The following TNFSF4 variants were observed in gnomAD, a reference collection of about 807,000 sequenced individuals.
TNFSF4 encodes the protein tumor necrosis factor ligand superfamily member 4.
In TNFSF4, 4 loss-of-function variants were observed where a neutral mutation model predicts 7.3. That is an observed-to-expected ratio of 0.55 (90% CI 0.27 to 1.25). The LOEUF (loss-of-function observed/expected upper bound fraction) is 1.25. Among genes scored for constraint, TNFSF4 ranks in the 50% most tolerant of loss-of-function variants. The probability of loss-of-function intolerance (pLI) is 0.12; values close to 1 mark genes in which losing one functional copy is unlikely to be tolerated. For missense variants in TNFSF4, 181 were observed against 208.8 expected (o/e 0.87, Z 0.82); for synonymous variants, 76 against 83.7 (o/e 0.91, Z 0.50).
the TNFSF4 span, among the ~76,000 whole-genome samples, chr1:173,444,142 C>T: frequency 2.0e-5 from 3 of 152,106 alleles, no homozygotes; most frequent in Admixed American, 6.6e-5. Context: ...AAAATCGAAA[C>T]CATTTATTTA....
chr1:173,301,510 A>T, the TNFSF4 span, among the ~76,000 whole-genome samples: 1 of 151,610 alleles, frequency 6.6e-6, no homozygotes, highest in Admixed American at 6.6e-5. Flanking sequence ...AGCAGCTATT[A>T]GTATTAACTA....
the TNFSF4 span, among the ~76,000 whole-genome samples, chr1:173,320,553 T>A: frequency 1.3e-5 from 2 of 152,164 alleles, no homozygotes; most frequent in African/African-American, 2.4e-5. Flanking sequence ...TGTTTGCAGA[T>A]GACATGATGG....
chr1:173,342,108 G>T, the TNFSF4 span, among the ~76,000 whole-genome samples: 3 of 152,082 alleles, frequency 2.0e-5, no homozygotes, highest in Non-Finnish European at 4.4e-5. Context: ...AGGGGGGAGG[G>T]GACTTGTATG....
the TNFSF4 span, among the ~76,000 whole-genome samples, chr1:173,288,547 A>T: frequency 6.6e-6 from 1 of 152,218 alleles, no homozygotes; most frequent in Non-Finnish European, 1.5e-5. Context: ...GGTTCCCAAT[A>T]ATTAAAAAAT....
At chr1:173,242,975 T>C in the TNFSF4 span, among the ~76,000 whole-genome samples, 1 of 118,438 alleles carries the variant, frequency 8.4e-6, no homozygotes, top group Non-Finnish European at 1.6e-5. Flanking sequence ...ATAAGCTTTA[T>C]GAAATTAACC....
At chr1:173,439,524 C>T in the TNFSF4 span, among the ~76,000 whole-genome samples, 1 of 152,224 alleles carries the variant, frequency 6.6e-6, no homozygotes, top group Non-Finnish European at 1.5e-5. Context: ...TGACTCTTAT[C>T]AGAGAGTGAA....
the TNFSF4 span, among the ~76,000 whole-genome samples, chr1:173,251,865 T>C: frequency 6.6e-6 from 1 of 152,192 alleles, no homozygotes; most frequent in Admixed American, 6.5e-5. Context: ...TCAATTGCCA[T>C]TATAAGGATT....
chr1:173,188,094 A>G (rs2101982231), intron 2 of TNFSF4, among the ~76,000 whole-genome samples: 1 of 152,348 alleles, frequency 6.6e-6, no homozygotes, highest in East Asian at 1.9e-4. Flanking sequence ...TCTGGAGTCG[A>G]AGTTTTTATT....
At chr1:173,369,024 C>G in the TNFSF4 span, among the ~76,000 whole-genome samples, 1 of 152,172 alleles carries the variant, frequency 6.6e-6, no homozygotes, top group African/African-American at 2.4e-5. Flanking sequence ...GGGGGACTAT[C>G]TGGAATTTTA....
chr1:173,427,680 G>A, the TNFSF4 span, among the ~76,000 whole-genome samples: 1 of 152,152 alleles, frequency 6.6e-6, no homozygotes, highest in African/African-American at 2.4e-5. Flanking sequence ...TCTGAGAAAT[G>A]TGTTATTAGG....
At chr1:173,417,228 C>T in the TNFSF4 span, among the ~76,000 whole-genome samples, 2 of 152,218 alleles carry the variant, frequency 1.3e-5, no homozygotes, top group Non-Finnish European at 2.9e-5. Flanking sequence ...CACTGATTAT[C>T]AGCTTTGCGG....
At chr1:173,205,376 G>C in intron 1 of TNFSF4, 1 of 1,610,484 alleles carries the variant, frequency 6.2e-7, no homozygotes, top group Non-Finnish European at 8.5e-7. Context: ...TTCTGTCCCA[G>C]AGTTGCTGGA....
chr1:173,246,422 T>C, the TNFSF4 span, among the ~76,000 whole-genome samples: 1 of 152,186 alleles, frequency 6.6e-6, no homozygotes, highest in East Asian at 1.9e-4. Flanking sequence ...ACTCAAAGGA[T>C]TATAAATCAT....
At chr1:173,200,517 G>A (rs1386733135) in intron 1 of TNFSF4, among the ~76,000 whole-genome samples, 2 of 152,136 alleles carry the variant, frequency 1.3e-5, no homozygotes, top group Non-Finnish European at 2.9e-5. Flanking sequence ...GGTCTTAGAA[G>A]CTAAAAATTG....
At chr1:173,314,191 C>T in the TNFSF4 span, among the ~76,000 whole-genome samples, 3 of 152,060 alleles carry the variant, frequency 2.0e-5, no homozygotes, top group Non-Finnish European at 4.4e-5. Flanking sequence ...GTCTCACAAA[C>T]CTCTAATTGA....
the TNFSF4 span, among the ~76,000 whole-genome samples, chr1:173,340,276 C>G: frequency 4.6e-5 from 7 of 151,334 alleles, no homozygotes; most frequent in African/African-American, 1.7e-4. Flanking sequence ...TGGGACTTGT[C>G]AGCCTCCATA....
chr1:173,319,375 G>A, the TNFSF4 span, among the ~76,000 whole-genome samples: 48 of 152,316 alleles, frequency 3.2e-4, no homozygotes, highest in Middle Eastern at 6.8e-3. Flanking sequence ...ATCTCCCTGG[G>A]ACAGAGCACC....
chr1:173,242,380 A>G, the TNFSF4 span, among the ~76,000 whole-genome samples: 1 of 152,316 alleles, frequency 6.6e-6, no homozygotes, highest in South Asian at 2.1e-4. Flanking sequence ...GGAAACAGAA[A>G]ATAACAGGAT....
At chr1:173,340,183 T>C in the TNFSF4 span, among the ~76,000 whole-genome samples, 1 of 152,164 alleles carries the variant, frequency 6.6e-6, no homozygotes, top group African/African-American at 2.4e-5. Context: ...CATCAGTTTT[T>C]CCCAGGTCTC....
Sources: allele counts gnomAD v4.1 joint callset (sites outside exome capture counted in the v4.1 genomes callset), GRCh38; gene constraint gnomAD v4.1.1; transcripts MANE v1.5; gene names NCBI Gene and HGNC (gene_info 2026-07-23, HGNC 2026-07-21).